Variants in FARS2 observed in about 807,000 individuals in gnomAD.
The protein encoded by FARS2 is phenylalanine--tRNA ligase, mitochondrial.
A neutral mutation model predicts 46.4 loss-of-function variants in FARS2; 40 were observed. The observed-to-expected ratio is 0.86, with a 90% CI of 0.67 to 1.12. The LOEUF is 1.12. Ranked by LOEUF, FARS2 falls within the 50% of genes most tolerant of loss-of-function variation. The pLI is 0.00. For missense variants in FARS2, 513 were observed against 567.9 expected (o/e 0.90, Z 0.98); for synonymous variants, 234 against 214.9 (o/e 1.09, Z -0.78).
At chr6:5,500,983 G>T (rs1252833781) in intron 4 of FARS2, among the ~76,000 whole-genome samples, 1 of 149,726 alleles carries the variant, frequency 6.7e-6, no homozygotes, top group Non-Finnish European at 1.5e-5. Context: ...GCCAGGTCTG[G>T]TCTTGTTCTT....
chr6:5,696,342 T>C (rs1214712860), intron 6 of FARS2, among the ~76,000 whole-genome samples: 1 of 152,224 alleles, frequency 6.6e-6, no homozygotes, highest in Non-Finnish European at 1.5e-5. Context: ...TTGAATCTTG[T>C]TTTATATTTT....
chr6:5,296,359 T>C lies in FARS2; in HGVS notation c.-22+34699T>C, dbSNP rs1331464818. Among the ~76,000 whole-genome samples the C allele has an allele frequency of 5.3e-5, 8 of 152,216 alleles. No homozygotes were observed. In the East Asian group the frequency reaches 1.6e-3, roughly 30 times the overall value. ...GGTTTCACTGTGTTAGCCAGGATGG[T>C]CTCGATCTCCTGACCTCGTGATCCG... On this transcript the variant is annotated intron_variant, in intron 1 of 6. Transcript: ENST00000274680.
chr6:5,433,596 G>GT (rs1180389091), intron 4 of FARS2, among the ~76,000 whole-genome samples: 1 of 152,222 alleles, frequency 6.6e-6, no homozygotes, highest in East Asian at 1.9e-4. Context: ...CAGCCTAACA[G>GT]TTGTATGTGC....
intron 2 of FARS2, among the ~76,000 whole-genome samples, chr6:5,381,937 A>G (rs1759823075): frequency 6.6e-6 from 1 of 152,192 alleles, no homozygotes; most frequent in Admixed American, 6.5e-5. Context: ...TCATTTCTGG[A>G]CCAGGAAATA....
chr6:5,567,746 C>A (rs1309775833), intron 5 of FARS2, among the ~76,000 whole-genome samples: 1 of 152,252 alleles, frequency 6.6e-6, no homozygotes, highest in Non-Finnish European at 1.5e-5. Context: ...CCATCCCCAA[C>A]ATCATCTTTG....
intron 2 of FARS2, among the ~76,000 whole-genome samples, chr6:5,385,043 A>G (rs914814135): frequency 2.6e-5 from 4 of 152,226 alleles, no homozygotes; most frequent in African/African-American, 9.6e-5. Flanking sequence ...AATCCAGGCA[A>G]TGGCAAAGCT....
At chr6:5,616,973 G>A (rs1267876990) in intron 6 of FARS2, among the ~76,000 whole-genome samples, 1 of 151,068 alleles carries the variant, frequency 6.6e-6, no homozygotes, top group African/African-American at 2.4e-5. Flanking sequence ...CTTGAGGAGG[G>A]GGTAAACATT....
chr6:5,701,097 A>G (rs1758405536), intron 6 of FARS2, among the ~76,000 whole-genome samples: 1 of 152,244 alleles, frequency 6.6e-6, no homozygotes, highest in Non-Finnish European at 1.5e-5. Context: ...AGAAGGATCT[A>G]TGGGATTTGG....
intron 5 of FARS2, among the ~76,000 whole-genome samples, chr6:5,571,147 T>A (rs1250247556): frequency 6.6e-6 from 1 of 152,234 alleles, no homozygotes. Context: ...GGAACTTGCA[T>A]GCTGAACAAA....
At chr6:5,595,869 G>A in intron 5 of FARS2, among the ~76,000 whole-genome samples, 1 of 152,148 alleles carries the variant, frequency 6.6e-6, no homozygotes, top group East Asian at 1.9e-4. Flanking sequence ...AACGCCCAAG[G>A]TCACAAAAAC....
At chr6:5,359,029 CCTTTTTTTTTTTTTTTT>C (rs1207128732) in intron 1 of FARS2, among the ~76,000 whole-genome samples, 2 of 72,534 alleles carry the variant, frequency 2.8e-5, no homozygotes, top group East Asian at 8.7e-4. Flanking sequence ...GAAAAGATAC[CCTTTTTTTTTTTTTTTT>C]TTTTTTTTTT....
At chr6:5,629,809 A>T (rs141655362) in intron 6 of FARS2, among the ~76,000 whole-genome samples, 9 of 152,052 alleles carry the variant, frequency 5.9e-5, no homozygotes, top group Admixed American at 3.9e-4. Context: ...AGCTGACAAT[A>T]TAAAAAAAAA....
intron 6 of FARS2, among the ~76,000 whole-genome samples, chr6:5,736,434 G>A (rs1245172183): frequency 6.6e-6 from 1 of 152,202 alleles, no homozygotes; most frequent in African/African-American, 2.4e-5. Context: ...CACCACAGGT[G>A]GCACATTCTT....
chr6:5,404,622 C>T lies in FARS2; in HGVS notation c.693C>T (p.His231=), dbSNP rs1761449021. The T allele has an allele frequency of 6.2e-6, 10 of 1,613,408 alleles. No homozygotes were observed. The East Asian group carries it at 1.8e-4, about 29-fold the overall frequency. The change falls in exon 3 of 7, where the codon CAC becomes CAT. Residue 231 remains histidine (H), a synonymous_variant. Coordinates refer to ENST00000274680, the MANE Select transcript of FARS2 (RefSeq NM_006567.5). ...SSRSAHKQET[H]TMEAVKLVEF... ...GCTCTGCGCATAAACAAGAGACACA[C>T]ACCATGGAGGCCGTGAAGCTTGTAG...
intron 5 of FARS2, chr6:5,609,855 A>G (rs1582575830): frequency 9.8e-7 from 1 of 1,024,934 alleles, no homozygotes; most frequent in East Asian, 2.4e-5. Flanking sequence ...GATGTTCTTC[A>G]GTGTCTTTAA....
chr6:5,385,577 A>G (rs887069822), intron 2 of FARS2, among the ~76,000 whole-genome samples: 53 of 151,880 alleles, frequency 3.5e-4, no homozygotes, highest in African/African-American at 1.2e-3. Context: ...ATGCACTACC[A>G]TGCCCAGCTA....
At chr6:5,633,261 G>GTTT (rs1201688915) in intron 6 of FARS2, among the ~76,000 whole-genome samples, 1 of 106,804 alleles carries the variant, frequency 9.4e-6, no homozygotes, top group African/African-American at 4.0e-5. Context: ...ACCATCCCTG[G>GTTT]CTTTTTTTTT....
intron 4 of FARS2, among the ~76,000 whole-genome samples, chr6:5,482,482 A>G (rs907772988): frequency 5.3e-5 from 8 of 152,094 alleles, no homozygotes; most frequent in Non-Finnish European, 1.2e-4. Flanking sequence ...ATGGAGAGAG[A>G]CTTGGAATCC....
At position 5,496,686 on chromosome 6, in the gene FARS2, T is replaced by A. The variant is rs189214625; in HGVS notation, c.905-48494T>A. Among the ~76,000 whole-genome samples the A allele has an allele frequency of 6.6e-5, 10 of 152,260 alleles. No homozygotes were observed. The East Asian group carries it at 1.9e-3, about 29-fold the overall frequency. On this transcript the variant is annotated intron_variant, in intron 4 of 6. Transcript: ENST00000274680. ...TCTGTGTCCTAATCTCTTCTTCTTGTAAGGACATCCAAGTCAAATTGGATT... is the reference window on the plus strand; with the variant it reads ...TCTGTGTCCTAATCTCTTCTTCTTGAAAGGACATCCAAGTCAAATTGGATT...
Sources: gnomAD v4.1 joint callset for allele counts (sites outside exome capture counted in the v4.1 genomes callset) on GRCh38, gnomAD v4.1.1 for gene constraint, MANE v1.5 for transcripts, NCBI Gene and HGNC (gene_info 2026-07-23, HGNC 2026-07-21) for gene names.